Variants in PRDM16 observed in about 807,000 individuals in gnomAD.
PRDM16 encodes the protein histone-lysine N-methyltransferase PRDM16.
A neutral mutation model predicts 110.6 loss-of-function variants in PRDM16; 23 were observed. The observed-to-expected ratio is 0.21, with a 90% CI of 0.15 to 0.29. The LOEUF (loss-of-function observed/expected upper bound fraction) is 0.29. Among genes scored for constraint, PRDM16 ranks in the 10% least tolerant of loss-of-function variants. The pLI is 1.00. For missense variants in PRDM16, 1,615 were observed against 1,794.3 expected (o/e 0.90, Z 1.81); for synonymous variants, 799 against 781.8 (o/e 1.02, Z -0.37).
chr1:3,395,389 C>T (rs537985936), intron 4 of PRDM16, among the ~76,000 whole-genome samples: 1 of 152,170 alleles, frequency 6.6e-6, no homozygotes, highest in African/African-American at 2.4e-5. Flanking sequence ...TCTAGACCCA[C>T]TCTGTTTTCT....
At chr1:3,087,692 T>C (rs1642182035) in intron 1 of PRDM16, among the ~76,000 whole-genome samples, 1 of 152,216 alleles carries the variant, frequency 6.6e-6, no homozygotes. Context: ...AATCCAGGGA[T>C]GGCCGGTGGC....
At chr1:3,094,837 G>A (rs573987975) in intron 1 of PRDM16, among the ~76,000 whole-genome samples, 50 of 152,276 alleles carry the variant, frequency 3.3e-4, no homozygotes, top group African/African-American at 1.2e-3. Context: ...TGCGGTTGCC[G>A]AGGGACTCTG....
chr1:3,200,498 A>G (rs1028219938), intron 2 of PRDM16, among the ~76,000 whole-genome samples: 3 of 151,994 alleles, frequency 2.0e-5, no homozygotes, highest in African/African-American at 4.8e-5. Flanking sequence ...GCCCGCCACC[A>G]CGCCTGGCTA....
At position 3,411,959 on chromosome 1, in the gene PRDM16, G is replaced by A. The variant is rs768733228; in HGVS notation, c.1762G>A (p.Val588Met). ...CGAGAGCCGCCTGGAGGACTCCTGT[G>A]TGGAGAAGCTGAAGACCAGGAGCAG... is the stretch of plus-strand genomic sequence containing the variant. Reference protein sequence around the residue: ...KFESRLEDSCVEKLKTRSSDM... With the variant: ...KFESRLEDSCMEKLKTRSSDM... The change falls in exon 9 of 17, where the codon GTG (valine) becomes ATG (methionine). Residue 588 changes from valine to methionine, a missense_variant. By Grantham distance (21) the Val-to-Met change is conservative (BLOSUM62 1). Coordinates refer to ENST00000270722, the MANE Select transcript of PRDM16 (RefSeq NM_022114.4). The A allele has an allele frequency of 7.4e-6, 12 of 1,613,630 alleles. No individual in the cohort carries two copies. The East Asian group carries it at 2.0e-4, about 27-fold the overall frequency.
intron 3 of PRDM16, among the ~76,000 whole-genome samples, chr1:3,292,677 C>G (rs1216227758): frequency 6.6e-6 from 1 of 152,204 alleles, no homozygotes; most frequent in African/African-American, 2.4e-5. Flanking sequence ...GAACCCACCT[C>G]CCTTCCTGTG....
intron 3 of PRDM16, among the ~76,000 whole-genome samples, chr1:3,340,757 A>G (rs1048786051): frequency 6.6e-6 from 1 of 152,240 alleles, no homozygotes; most frequent in Admixed American, 6.5e-5. Context: ...AAGGCCATCT[A>G]GATGAACAAC....
rs555287827 is a variant in PRDM16 at position 3,294,868 on chromosome 1, A to G, written c.438+50731A>G. Among the ~76,000 whole-genome samples the G allele has an allele frequency of 2.8e-4, 43 of 152,338 alleles. No homozygotes were observed. In the South Asian group the frequency reaches 4.4e-3, roughly 15 times the overall value. On this transcript the variant is annotated intron_variant, in intron 3 of 16. Transcript: ENST00000270722. Reference sequence around the variant, plus strand: ...TTTTCTCTGATCACACGTACAAACCAGAACCAACCCCACGTGCCTTAAGAA... The same window carrying G: ...TTTTCTCTGATCACACGTACAAACCGGAACCAACCCCACGTGCCTTAAGAA...
intron 3 of PRDM16, among the ~76,000 whole-genome samples, chr1:3,300,422 G>T (rs537297243): frequency 1.9e-4 from 29 of 149,276 alleles, no homozygotes; most frequent in African/African-American, 6.9e-4. Context: ...CCCAGTCGTG[G>T]TGACTCTGCC....
At chr1:3,334,661 C>A (rs552333158) in intron 3 of PRDM16, among the ~76,000 whole-genome samples, 1 of 152,232 alleles carries the variant, frequency 6.6e-6, no homozygotes, top group South Asian at 2.1e-4. Context: ...CTAGAGACCA[C>A]GGGGCTCTGC....
intron 1 of PRDM16, among the ~76,000 whole-genome samples, chr1:3,126,853 A>G (rs970845580): frequency 6.6e-6 from 1 of 152,190 alleles, no homozygotes; most frequent in Non-Finnish European, 1.5e-5. Context: ...AGCGTTGTAG[A>G]TGGGGCATGG....
In PRDM16 at chr1:3,209,165, T is replaced by A. The variant is rs139300656; in HGVS notation, c.387+22691T>A. Among the ~76,000 whole-genome samples, 36 of 152,228 alleles carry A rather than the reference T, an allele frequency of 2.4e-4. No homozygotes were observed. Among genetic ancestry groups the A allele is most frequent in the African/African-American group, 8.7e-4 (36 of 41,518 alleles). ...ATCCTAGTCAAAAATATGGGAACATTTTGGTTCCAGGGGTAAGAAAAAATT... is the reference window on the plus strand; with the variant it reads ...ATCCTAGTCAAAAATATGGGAACATATTGGTTCCAGGGGTAAGAAAAAATT... On this transcript the variant is annotated intron_variant, in intron 2 of 16. Transcript: ENST00000270722. This position sits in a 1 kb window ranked among gnomAD's most constrained non-coding sequence, Gnocchi z 4.6.
intron 3 of PRDM16, among the ~76,000 whole-genome samples, chr1:3,273,064 G>A (rs1180927968): frequency 6.6e-6 from 1 of 152,220 alleles, no homozygotes; most frequent in Non-Finnish European, 1.5e-5. Context: ...GAGGATGTGC[G>A]TTCAGAACCA....
chr1:3,285,183 G>A (rs929972761), intron 3 of PRDM16, among the ~76,000 whole-genome samples: 2 of 152,162 alleles, frequency 1.3e-5, no homozygotes, highest in Non-Finnish European at 2.9e-5. Flanking sequence ...CCTAGGGTGA[G>A]GTGGGCTGTG....
Position 3,084,468 on chromosome 1 carries a change from T to A in PRDM16, c.37+15172T>A, listed in dbSNP as rs925788061. ...CCCTTTGTGGGATTATCTGCCCCCC[T>A]GGGAGGCACGGAATGCTGGGGGCGA... is the stretch of plus-strand genomic sequence containing the variant. On this transcript the variant is annotated intron_variant, in intron 1 of 16. Coordinates refer to ENST00000270722, the MANE Select transcript of PRDM16 (RefSeq NM_022114.4). 3.3e-5 allele frequency among the ~76,000 whole-genome samples: 5 copies of A among 152,158 alleles called. No individual in the cohort carries two copies. The South Asian group carries it at 1.0e-3, about 31-fold the overall frequency.
intron 16 of PRDM16, among the ~76,000 whole-genome samples, chr1:3,432,514 G>C (rs2483244): frequency 6.6e-6 from 1 of 152,058 alleles, no homozygotes; most frequent in Non-Finnish European, 1.5e-5. Context: ...GGCTTTTCCC[G>C]GGGGAAGAGC....
At chr1:3,108,834 A>G (rs1642722524) in intron 1 of PRDM16, among the ~76,000 whole-genome samples, 1 of 152,074 alleles carries the variant, frequency 6.6e-6, no homozygotes, top group East Asian at 1.9e-4. Flanking sequence ...AGATTGTCCC[A>G]AAAGGTGCTG....
At chr1:3,220,789 G>A (rs1418828889) in intron 2 of PRDM16, among the ~76,000 whole-genome samples, 3 of 152,150 alleles carry the variant, frequency 2.0e-5, no homozygotes, top group Non-Finnish European at 4.4e-5. Flanking sequence ...GCATCTGCTC[G>A]CCTCCTCCAA....
intron 15 of PRDM16, 149 bp downstream of exon 15, chr1:3,431,257 C>A: frequency 7.5e-7 from 1 of 1,339,656 alleles, no homozygotes. Flanking sequence ...ACACACAGGC[C>A]AGGGCAAGGC....
chr1:3,413,052 G>A (rs576712316), intron 9 of PRDM16, among the ~76,000 whole-genome samples: 5 of 152,218 alleles, frequency 3.3e-5, no homozygotes, highest in Admixed American at 2.0e-4. Flanking sequence ...TCCTGGACAC[G>A]TGCAGTTTGC....
Sources: gnomAD v4.1 joint callset for allele counts (sites outside exome capture counted in the v4.1 genomes callset) on GRCh38, gnomAD v4.1.1 for gene constraint, Gnocchi (gnomAD v3.1) non-coding constraint, MANE v1.5 for transcripts, NCBI Gene and HGNC (gene_info 2026-07-23, HGNC 2026-07-21) for gene names.